The following THSD7B variants were observed in gnomAD, a reference collection of about 807,000 sequenced individuals.
THSD7B encodes thrombospondin type-1 domain-containing protein 7B.
A neutral mutation model predicts 213.6 loss-of-function variants in THSD7B; 138 were observed. That is an observed-to-expected ratio of 0.65 (90% CI 0.56 to 0.74). THSD7B has a LOEUF of 0.74. THSD7B is among the 30% of genes least tolerant of loss of function. The pLI is 0.00. For synonymous variants in THSD7B, 742 were observed against 687.0 expected, an observed-to-expected ratio of 1.08 and a Z score of -1.25; for missense variants, 1,931 against 1,991.5, an observed-to-expected ratio of 0.97 and a Z score of 0.58.
chr2:136,777,043 A>T (rs1484211975), intron 1 of THSD7B, among the ~76,000 whole-genome samples: 6 of 152,182 alleles, frequency 3.9e-5, no homozygotes, highest in African/African-American at 1.4e-4. Flanking sequence ...ATTTGTTCAA[A>T]CCAACAAATG....
chr2:137,611,209 T>C (rs1448734118), intron 17 of THSD7B, among the ~76,000 whole-genome samples: 1 of 151,804 alleles, frequency 6.6e-6, no homozygotes, highest in Non-Finnish European at 1.5e-5. Context: ...TAAAAATGTG[T>C]TTTATATCAC....
At chr2:137,389,688 T>C (rs184315317) in intron 12 of THSD7B, among the ~76,000 whole-genome samples, 2 of 148,822 alleles carry the variant, frequency 1.3e-5, no homozygotes, top group East Asian at 3.9e-4. Context: ...TCATCTAGTA[T>C]TTTTATACTT....
chr2:137,150,259 A>G (rs149976901), intron 5 of THSD7B, among the ~76,000 whole-genome samples: 7,021 of 150,702 alleles, frequency 0.047, 570 homozygotes, highest in African/African-American at 0.16. Flanking sequence ...AAAAAAAAAG[A>G]AAAAGAAAAA....
intron 2 of THSD7B, among the ~76,000 whole-genome samples, chr2:136,930,830 C>A (rs1348923278): frequency 1.3e-5 from 2 of 149,072 alleles, no homozygotes; most frequent in South Asian, 2.3e-4. Context: ...AGGAAATAAT[C>A]AATTATTATA....
intron 2 of THSD7B, among the ~76,000 whole-genome samples, chr2:136,972,790 G>A (rs7565102): frequency 0.99 from 150,070 of 152,254 alleles, 73,999 homozygotes; most frequent in Middle Eastern, 1. Flanking sequence ...GAGAGATGTT[G>A]TAAAATCTCA....
At chr2:137,085,891 T>G (rs181104664) in intron 3 of THSD7B, among the ~76,000 whole-genome samples, 8 of 152,266 alleles carry the variant, frequency 5.3e-5, no homozygotes, top group Non-Finnish European at 1.0e-4. Flanking sequence ...AAATTAAAAA[T>G]CAAATTATAG....
intron 14 of THSD7B, among the ~76,000 whole-genome samples, chr2:137,421,111 A>G (rs1203276493): frequency 2.0e-5 from 3 of 152,198 alleles, no homozygotes; most frequent in African/African-American, 7.2e-5. Context: ...CTTTCTGTGC[A>G]GGGAAAAACA....
intron 2 of THSD7B, among the ~76,000 whole-genome samples, chr2:137,003,238 T>C (rs186755869): frequency 6.6e-6 from 1 of 152,358 alleles, no homozygotes; most frequent in East Asian, 1.9e-4. Context: ...GAGGCATATT[T>C]TGATTGTCTC....
At chr2:137,131,358 T>C (rs1688728675) in intron 5 of THSD7B, among the ~76,000 whole-genome samples, 2 of 152,164 alleles carry the variant, frequency 1.3e-5, no homozygotes, top group African/African-American at 4.8e-5. Flanking sequence ...TAGTTTCTTT[T>C]GCTGTGCAGA....
chr2:137,313,072 C>G (rs973257630), intron 12 of THSD7B, among the ~76,000 whole-genome samples: 1 of 151,468 alleles, frequency 6.6e-6, no homozygotes, highest in Admixed American at 6.6e-5. Flanking sequence ...TGTTGACTTT[C>G]TGTCTCATTG....
chr2:136,969,579 A>G (rs1037582054), intron 2 of THSD7B, among the ~76,000 whole-genome samples: 7 of 152,186 alleles, frequency 4.6e-5, no homozygotes, highest in African/African-American at 7.2e-5. Context: ...GTTTAAGGCT[A>G]TTTAATTATG....
At chr2:137,135,193 CT>C (rs1679414578) in intron 5 of THSD7B, among the ~76,000 whole-genome samples, 1 of 152,160 alleles carries the variant, frequency 6.6e-6, no homozygotes, top group Admixed American at 6.5e-5. Context: ...TTTGCCCAAG[CT>C]GAAGGATCAT....
rs1013880641 is a variant in THSD7B, at chr2:136,994,382, C to A, written c.140-62038C>A. Among the ~76,000 whole-genome samples the A allele has an allele frequency of 5.3e-5, 8 of 151,998 alleles. No homozygotes were observed. The East Asian group carries it at 5.8e-4, about 11-fold the overall frequency. ...GAGATCGAGACCATCCTGGCTAACA[C>A]GGTGAAACCCCGTCTCTACTAAAAA... On this transcript the variant is annotated intron_variant, in intron 2 of 27. Coordinates refer to ENST00000409968, the MANE Select transcript of THSD7B (RefSeq NM_001316349.2).
chr2:136,832,690 T>C (rs1211204663), intron 1 of THSD7B, among the ~76,000 whole-genome samples: 5 of 152,200 alleles, frequency 3.3e-5, no homozygotes, highest in African/African-American at 9.6e-5. Flanking sequence ...CAGTCATTAA[T>C]ACAACTTAAA....
chr2:137,096,574 A>G (rs1232646926), intron 4 of THSD7B, among the ~76,000 whole-genome samples: 2 of 152,204 alleles, frequency 1.3e-5, no homozygotes, highest in Non-Finnish European at 2.9e-5. Context: ...ATGGAGATGC[A>G]GTGCATGCCT....
intron 12 of THSD7B, among the ~76,000 whole-genome samples, chr2:137,329,397 G>C (rs1195470978): frequency 6.6e-6 from 1 of 152,096 alleles, no homozygotes. Flanking sequence ...ACAGAGTCTC[G>C]CACTGTTGCC....
At chr2:136,923,261 A>G (rs1285127209) in intron 2 of THSD7B, among the ~76,000 whole-genome samples, 1 of 152,164 alleles carries the variant, frequency 6.6e-6, no homozygotes, top group African/African-American at 2.4e-5. Flanking sequence ...TCTATGTTGT[A>G]GTAGTATGTA....
rs138253181 is a variant in THSD7B at position 137,437,754 on chromosome 2, C to T, written c.2960-13091C>T. ...TTTCATCCCCATCGATGCCAGCCTT[C>T]AGGCTCTGTGTTCAATAGTTTAAAT... On this transcript the variant is annotated intron_variant, in intron 14 of 27. Coordinates refer to ENST00000409968, the MANE Select transcript of THSD7B (RefSeq NM_001316349.2). 4.3e-3 allele frequency among the ~76,000 whole-genome samples: 655 copies of T among 152,288 alleles called. 6 individuals carry two copies. The highest frequency in any genetic ancestry group is 0.015 in the African/African-American group (615 of 41,558).
chr2:137,542,040 TA>T (rs1376741310), intron 15 of THSD7B, among the ~76,000 whole-genome samples: 1 of 151,630 alleles, frequency 6.6e-6, no homozygotes, highest in Non-Finnish European at 1.5e-5. Context: ...CAAAAAAGAT[TA>T]TTTAAAGAAA....
Sources: allele counts gnomAD v4.1 joint callset (sites outside exome capture counted in the v4.1 genomes callset), GRCh38; gene constraint gnomAD v4.1.1; transcripts MANE v1.5; gene names NCBI Gene and HGNC (gene_info 2026-07-23, HGNC 2026-07-21).